The following VPS37B variants were observed in gnomAD, a reference collection of about 807,000 sequenced individuals.
VPS37B encodes the protein VPS37B subunit of ESCRT-I, also known as vacuolar protein sorting-associated protein 37B.
VPS37B carries 11 observed loss-of-function variants against 21.2 expected under a neutral mutation model. The ratio of observed to expected loss-of-function variants is 0.52; its 90% CI spans 0.33 to 0.86. The LOEUF is 0.86. VPS37B is among the 40% of genes least tolerant of loss of function. The pLI, the probability that VPS37B is intolerant of heterozygous loss-of-function variation, is 0.03. For synonymous variants in VPS37B, 175 were observed against 159.6 expected (o/e 1.10, Z -0.73); for missense variants, 389 against 374.8 (o/e 1.04, Z -0.31).
chr12:122,867,445 G>T lies in VPS37B; in HGVS notation c.529C>A (p.Pro177Thr), dbSNP rs368784895. 1.2e-6 allele frequency: 2 copies of T among 1,609,256 alleles called. No individual in the cohort carries two copies. The part of the protein sequence containing the change: ...QRLPQALAPL[P>T]PRLPELAPTA... The stretch of plus-strand genomic sequence containing the variant: ...GGTGCCAGTTCGGGCAGCCTGGGGG[G>T]CAGCGGGGCCAGGGCCTGTGGGAGT... Residue 177 changes from proline (P) to threonine (T), a missense_variant, in exon 4 of 4, where the codon CCC becomes ACC. Transcript: ENST00000267202. This position sits in a 1 kb window ranked among gnomAD's most constrained non-coding sequence, Gnocchi z 5.5.
chr12:122,865,914 C>G lies in VPS37B; in HGVS notation c.*1202G>C, dbSNP rs1403328115. 1.3e-5 allele frequency: 2 copies of G among 152,404 alleles called. No individual in the cohort carries two copies. Among genetic ancestry groups the G allele is most frequent in the Non-Finnish European group, 2.9e-5 (2 of 68,150 alleles). 9.4% of individuals were successfully genotyped at this position (152,404 alleles called of 1,614,324 possible). On this transcript the variant is annotated 3_prime_UTR_variant, in exon 4 of 4. Transcript: ENST00000267202. ...AGGTCCCACAGGGGTGGGGGAAGAG[C>G]AGGTGCAGACGGTTGGAGTGCAGCC...
rs772700477 is a variant in VPS37B at position 122,870,901 on chromosome 12, T to G, written c.272A>C (p.Lys91Thr). The G allele has an allele frequency of 1.2e-6, 2 of 1,612,346 alleles. No individual in the cohort carries two copies. Among genetic ancestry groups the G allele is most frequent in the South Asian group, 2.2e-5 (2 of 90,684 alleles). ...QVLFEAYQIK[K>T]TKLDRQSSSA... ...CCTTAAAAAGTTACCTAATTTGGTC[T>G]TCTTTATCTGATAGGCTTCAAAGAG... Residue 91 changes from lysine (K) to threonine (T), a missense_variant, in exon 2 of 4, where the codon AAG becomes ACG. Coordinates refer to ENST00000267202, the MANE Select transcript of VPS37B (RefSeq NM_024667.3).
intron 1 of VPS37B, among the ~76,000 whole-genome samples, chr12:122,893,854 C>G (rs892461909): frequency 1.4e-5 from 2 of 147,716 alleles, no homozygotes. Flanking sequence ...AAAATCCTGC[C>G]AGATGAATTT....
In VPS37B at chr12:122,867,667, G is replaced by A. The variant is rs1039029979; in HGVS notation, c.367-60C>T. ...CAGATGGGGAGGATGCTCCCTTCGT[G>A]GTCTAGGCACAAGGAGAGGCAACGC... On this transcript the variant is annotated intron_variant, in intron 3 of 3. Transcript: ENST00000267202. This position sits in a 1 kb window ranked among gnomAD's most constrained non-coding sequence, Gnocchi z 5.5. The A allele has an allele frequency of 1.1e-5, 18 of 1,598,940 alleles. No individual in the cohort carries two copies. Among genetic ancestry groups the A allele is most frequent in the Non-Finnish European group, 1.2e-5 (14 of 1,178,710 alleles).
chr12:122,895,523 G>A (rs531445314), intron 1 of VPS37B, among the ~76,000 whole-genome samples: 13 of 150,364 alleles, frequency 8.6e-5, no homozygotes, highest in Admixed American at 5.3e-4. Context: ...GATCCCCCCA[G>A]TTCCGTCCTC....
At chr12:122,883,986 A>C (rs1341986826) in intron 1 of VPS37B, 1 of 152,236 alleles carries the variant, frequency 6.6e-6, no homozygotes, top group East Asian at 1.9e-4. Context: ...ATCAGAAGAC[A>C]AGATGGGACA....
chr12:122,872,511 G>A, intron 1 of VPS37B: 1 of 985,364 alleles, frequency 1.0e-6, no homozygotes, highest in Non-Finnish European at 1.2e-6. Flanking sequence ...GATGCCTTTA[G>A]CAAAAAAGGA....
intron 1 of VPS37B, among the ~76,000 whole-genome samples, chr12:122,891,090 A>G (rs1456490821): frequency 6.6e-6 from 1 of 152,204 alleles, no homozygotes; most frequent in Non-Finnish European, 1.5e-5. Flanking sequence ...GGTTATTGTT[A>G]TTTTCTCCTT....
Position 122,896,033 on chromosome 12 carries a change from G to A in VPS37B, c.30C>T (p.Phe10=), listed in dbSNP as rs769052349. 4.4e-6 allele frequency: 7 copies of A among 1,588,972 alleles called. No homozygotes were observed. Among genetic ancestry groups the A allele is most frequent in the Non-Finnish European group, 6.0e-6 (7 of 1,171,706 alleles). The part of the protein sequence containing the change: MAGAGSEAR[F]AGLSLVQLNE... ...TGAGCTGCACCAGCGACAGCCCGGC[G>A]AACCGGGCTTCGCTCCCGGCGCCCG... The change falls in exon 1 of 4, where the codon TTC becomes TTT. Residue 10 remains phenylalanine (F), a synonymous_variant. Transcript: ENST00000267202.
intron 1 of VPS37B, chr12:122,871,415 T>A (rs1463931694): frequency 9.9e-7 from 1 of 1,011,268 alleles, no homozygotes; most frequent in African/African-American, 1.7e-5. Flanking sequence ...ATTTAGAATC[T>A]GATTTTTTTC....
Position 122,893,922 on chromosome 12 carries a change from GT to G in VPS37B, c.111+2029del, listed in dbSNP as rs578027828. On this transcript the variant is annotated intron_variant, in intron 1 of 3. Transcript: ENST00000267202. Reference sequence around the variant, plus strand: ...TGAGGTAGAGGAAACAGGTGAGGTTGTCCCTAACAGCCTCCAAGTGAACAGA... The same window carrying G: ...TGAGGTAGAGGAAACAGGTGAGGTTGCCCTAACAGCCTCCAAGTGAACAGA... Among the ~76,000 whole-genome samples, 16 of 151,584 alleles carry G rather than the reference GT, an allele frequency of 1.1e-4. No individual in the cohort carries two copies. In the South Asian group the frequency reaches 3.3e-3, roughly 32 times the overall value.
chr12:122,888,621 G>T, intron 1 of VPS37B: 1 of 455,944 alleles, frequency 2.2e-6, no homozygotes. Context: ...CAACCACTCT[G>T]CATACGACCG....
intron 1 of VPS37B, chr12:122,876,816 AAAAGAGATCT>A (rs1362809971): frequency 6.6e-6 from 1 of 152,104 alleles, no homozygotes; most frequent in Non-Finnish European, 1.5e-5. Flanking sequence ...AGCAAGAAAG[AAAAGAGATCT>A]ACAGTCCCCT....
chr12:122,869,735 C>T (rs1271384692), intron 2 of VPS37B, among the ~76,000 whole-genome samples: 1 of 152,122 alleles, frequency 6.6e-6, no homozygotes, highest in African/African-American at 2.4e-5. Flanking sequence ...GCACCACCAC[C>T]CCCAGCTTAT....
chr12:122,881,527 C>T (rs990773806), intron 1 of VPS37B: 3 of 152,122 alleles, frequency 2.0e-5, no homozygotes, highest in African/African-American at 7.2e-5. Flanking sequence ...TTGTTTAAGC[C>T]CAGGAGTTGG....
rs2033957464 is a variant in VPS37B at position 122,868,626 on chromosome 12, C to T, written c.284-64G>A. 2 of 1,397,306 alleles carry T rather than the reference C, an allele frequency of 1.4e-6. No homozygotes were observed. The highest frequency in any genetic ancestry group is 3.7e-5 in the Admixed American group (2 of 54,582). 86.6% of individuals were successfully genotyped at this position (1,397,306 alleles called of 1,614,324 possible). A position where few individuals can be genotyped will look rare whatever the true frequency, so the allele number is the denominator to read the frequency against. ...GTCCAGGTAAAGCCCTTCATGATGCCAACCACGGCAGGATTGCACCTTCCT... is the reference window on the plus strand; with the variant it reads ...GTCCAGGTAAAGCCCTTCATGATGCTAACCACGGCAGGATTGCACCTTCCT... On this transcript the variant is annotated intron_variant, in intron 2 of 3. Transcript: ENST00000267202. The surrounding 1 kb of genome is among the most constrained non-coding windows in gnomAD (Gnocchi z 5.5).
rs1010374452 is a variant in VPS37B, at chr12:122,868,745, C to G, written c.284-183G>C. Among the ~76,000 whole-genome samples, 1 of 152,194 alleles carries G rather than the reference C, an allele frequency of 6.6e-6. No homozygotes were observed. Among genetic ancestry groups the G allele is most frequent in the African/African-American group, 2.4e-5 (1 of 41,448 alleles). The stretch of plus-strand genomic sequence containing the variant: ...GGGCCAACATCCCATGTCAGAGCAA[C>G]CTGTGTCACCAGCTGCTTCTAGAAC... On this transcript the variant is annotated intron_variant, in intron 2 of 3. Transcript: ENST00000267202. The surrounding 1 kb of genome is among the most constrained non-coding windows in gnomAD (Gnocchi z 5.5).
intron 1 of VPS37B, chr12:122,882,666 A>C (rs2034262557): frequency 6.6e-6 from 1 of 152,218 alleles, no homozygotes; most frequent in South Asian, 2.1e-4. Context: ...ATTTTACTAT[A>C]CTTGATTTAT....
chr12:122,887,663 G>A (rs1055511317), intron 1 of VPS37B: 3 of 152,242 alleles, frequency 2.0e-5, no homozygotes, highest in Non-Finnish European at 4.4e-5. Context: ...CCCCCCACCA[G>A]TGTGTGGGCC....
Sources: gnomAD v4.1 joint callset for allele counts (sites outside exome capture counted in the v4.1 genomes callset) on GRCh38, gnomAD v4.1.1 for gene constraint, Gnocchi (gnomAD v3.1) non-coding constraint, MANE v1.5 for transcripts, NCBI Gene and HGNC (gene_info 2026-07-23, HGNC 2026-07-21) for gene names.